Variants in TMPRSS9 observed in about 807,000 individuals in gnomAD.
TMPRSS9 encodes transmembrane protease serine 9.
Under a neutral mutation model 111.4 loss-of-function variants are expected in TMPRSS9, and 113 were observed. The ratio of observed to expected loss-of-function variants is 1.01; its 90% CI spans 0.87 to 1.19. The LOEUF is 1.19. Ranked by LOEUF, TMPRSS9 falls within the 50% of genes most tolerant of loss-of-function variation. TMPRSS9 has a pLI of 0.00. For synonymous variants in TMPRSS9, 805 were observed against 659.1 expected, an observed-to-expected ratio of 1.22 and a Z score of -3.39; for missense variants, 1,803 against 1,513.1, an observed-to-expected ratio of 1.19 and a Z score of -3.18.
At chr19:2,379,055 G>C (rs990873879) in intron 1 of TMPRSS9, among the ~76,000 whole-genome samples, 1 of 152,044 alleles carries the variant, frequency 6.6e-6, no homozygotes, top group African/African-American at 2.4e-5. Flanking sequence ...TGGGGACACA[G>C]CCAAACCATA....
intron 1 of TMPRSS9, among the ~76,000 whole-genome samples, chr19:2,382,858 A>T (rs1392091411): frequency 6.6e-6 from 1 of 152,116 alleles, no homozygotes; most frequent in Non-Finnish European, 1.5e-5. Context: ...GGCTCATACC[A>T]TTGAGGGGCT....
chr19:2,421,128 C>T (rs549033733), intron 13 of TMPRSS9, among the ~76,000 whole-genome samples: 77 of 151,228 alleles, frequency 5.1e-4, no homozygotes, highest in African/African-American at 1.7e-3. Context: ...ATCACTTGAA[C>T]CCAGGAGGTG....
intron 1 of TMPRSS9, among the ~76,000 whole-genome samples, chr19:2,381,865 C>T (rs951467987): frequency 4.0e-5 from 6 of 151,044 alleles, no homozygotes; most frequent in African/African-American, 1.2e-4. Flanking sequence ...TATTTTGAGA[C>T]GGAGTCTCGC....
intron 1 of TMPRSS9, among the ~76,000 whole-genome samples, chr19:2,371,261 A>G (rs1006066393): frequency 6.6e-6 from 1 of 152,194 alleles, no homozygotes; most frequent in Non-Finnish European, 1.5e-5. Flanking sequence ...ACTCGTTCAC[A>G]GTCACTCGTG....
intron 1 of TMPRSS9, among the ~76,000 whole-genome samples, 104 bp downstream of exon 1, chr19:2,360,464 G>A (rs1488945439): frequency 6.6e-6 from 1 of 152,238 alleles, no homozygotes; most frequent in Non-Finnish European, 1.5e-5. Flanking sequence ...CTCTGGGGCT[G>A]TGTAGAGGTG....
chr19:2,409,682 G>C (rs1401298597), intron 8 of TMPRSS9, among the ~76,000 whole-genome samples: 1 of 151,952 alleles, frequency 6.6e-6, no homozygotes, highest in Non-Finnish European at 1.5e-5. Flanking sequence ...AATTCTGCAG[G>C]GACAAGCATT....
exon 10 of TMPRSS9, chr19:2,413,843 G>A (rs772267107): frequency 1.2e-5 from 20 of 1,613,646 alleles, no homozygotes; most frequent in African/African-American, 2.7e-5. Context: ...ACTGGATCCT[G>A]GAGGCCACCA....
At chr19:2,379,933 G>C (rs1310808883) in intron 1 of TMPRSS9, among the ~76,000 whole-genome samples, 1 of 151,722 alleles carries the variant, frequency 6.6e-6, no homozygotes, top group African/African-American at 2.4e-5. Flanking sequence ...ATTTTTTATA[G>C]AGATGGGGTC....
At chr19:2,419,820 G>A (rs145784173) in intron 13 of TMPRSS9, among the ~76,000 whole-genome samples, 262 of 152,280 alleles carry the variant, frequency 1.7e-3, no homozygotes, top group Admixed American at 3.2e-3. Flanking sequence ...CCCGGCCATA[G>A]CCACCATGCC....
intron 1 of TMPRSS9, among the ~76,000 whole-genome samples, chr19:2,377,508 C>T (rs1266100610): frequency 2.2e-5 from 1 of 44,668 alleles, no homozygotes; most frequent in East Asian, 8.8e-4. Context: ...CTCCCCTTCC[C>T]CCTCCCCTCA....
chr19:2,414,036 A>G lies in TMPRSS9; in HGVS notation c.1573+18A>G. 1 of 1,537,100 alleles carries G rather than the reference A, an allele frequency of 6.5e-7. No homozygotes were observed. Among genetic ancestry groups the G allele is most frequent in the South Asian group, 1.2e-5 (1 of 82,460 alleles). ...GCTACAAGGTATTTTCGGGGCAGAA[A>G]GGTAGAAGATGATGTACGTGCCTAT... On this transcript the variant is annotated intron_variant, in intron 10 of 17. Transcript: ENST00000648592.
chr19:2,402,009 C>T, exon 5 of TMPRSS9: 2 of 1,610,140 alleles, frequency 1.2e-6, no homozygotes, highest in African/African-American at 1.3e-5. Context: ...AAAGAGACTT[C>T]AAATCAGGTA....
chr19:2,386,162 C>G (rs1210405379), upstream of TMPRSS9, among the ~76,000 whole-genome samples: 1 of 152,084 alleles, frequency 6.6e-6, no homozygotes, highest in African/African-American at 2.4e-5. Context: ...GTTGCCCAGG[C>G]TGGTCTCAAA....
At chr19:2,396,086 T>C (rs1187958169) in intron 1 of TMPRSS9, 2 of 155,374 alleles carry the variant, frequency 1.3e-5, no homozygotes, top group Admixed American at 6.5e-5. Context: ...TGATGGCCTC[T>C]GGCTGTGCTC....
chr19:2,399,039 C>T lies in TMPRSS9; in HGVS notation c.360C>T (p.Leu120=), dbSNP rs745585282. 89 of 1,612,282 alleles carry T rather than the reference C, an allele frequency of 5.5e-5. No homozygotes were observed. The South Asian group carries it at 6.6e-4, about 12-fold the overall frequency. The change falls in exon 4 of 18, where the codon CTC becomes CTT. Residue 120 remains leucine, a synonymous_variant. Coordinates refer to ENST00000648592, the Ensembl canonical transcript of TMPRSS9. ...GTAGGGATGGGAACTCCAGTGTCCT[C>T]GTACATTTCCAGCTGCACTTTCTGC...
intron 1 of TMPRSS9, among the ~76,000 whole-genome samples, chr19:2,370,065 G>A (rs112322022): frequency 0.033 from 4,953 of 152,014 alleles, 301 homozygotes; most frequent in African/African-American, 0.11. Context: ...AAAATTAGCC[G>A]GGCATGATGG....
chr19:2,411,192 C>A (rs554922786), intron 9 of TMPRSS9, among the ~76,000 whole-genome samples: 2 of 145,264 alleles, frequency 1.4e-5, no homozygotes, highest in Non-Finnish European at 3.0e-5. Context: ...CCCAGCTCCT[C>A]GGGTGGCTGA....
upstream of TMPRSS9, among the ~76,000 whole-genome samples, chr19:2,388,098 A>G (rs540396500): frequency 2.8e-4 from 42 of 152,244 alleles, no homozygotes; most frequent in Non-Finnish European, 4.4e-4. Flanking sequence ...TCCCTTCGAA[A>G]GCTGGCACTC....
chr19:2,422,738 A>T (rs1479455921), intron 14 of TMPRSS9, among the ~76,000 whole-genome samples: 8 of 152,130 alleles, frequency 5.3e-5, no homozygotes, highest in African/African-American at 9.7e-5. Context: ...AATAAATAAA[A>T]AAAGCCAGGC....
Sources: allele counts gnomAD v4.1 joint callset (sites outside exome capture counted in the v4.1 genomes callset), GRCh38; gene constraint gnomAD v4.1.1; transcripts MANE v1.5; gene names NCBI Gene and HGNC (gene_info 2026-07-23, HGNC 2026-07-21).